Variants in BRAF observed in about 807,000 individuals in gnomAD.
BRAF encodes B-Raf proto-oncogene, serine/threonine kinase, also known as serine/threonine-protein kinase B-raf.
A neutral mutation model predicts 104.6 loss-of-function variants in BRAF; 16 were observed. The ratio of observed to expected loss-of-function variants is 0.15; its 90% CI spans 0.10 to 0.23. The LOEUF (loss-of-function observed/expected upper bound fraction) is 0.23, where lower values mean the gene tolerates loss of function less well. BRAF is among the 10% of genes least tolerant of loss of function. The probability of loss-of-function intolerance (pLI) is 1.00; values close to 1 mark genes in which losing one functional copy is unlikely to be tolerated. For missense variants in BRAF, 541 were observed against 937.3 expected, an observed-to-expected ratio of 0.58 and a Z score of 5.52; for synonymous variants, 310 against 341.6, an observed-to-expected ratio of 0.91 and a Z score of 1.02.
At chr7:140,756,845 C>T (rs1474808381) in intron 14 of BRAF, among the ~76,000 whole-genome samples, 2 of 152,178 alleles carry the variant, frequency 1.3e-5, no homozygotes, top group Admixed American at 6.5e-5. Context: ...ACCTATAGAA[C>T]CATTTAATCT....
chr7:140,722,390 A>T lies in BRAF; in HGVS notation c.*4104T>A, dbSNP rs752186314. ...TGGCTGCTCTCTTCACAAATCACTGATTTCTGCTAAAATGTTAGCTTTTTT... is the reference window on the plus strand; with the variant it reads ...TGGCTGCTCTCTTCACAAATCACTGTTTTCTGCTAAAATGTTAGCTTTTTT... On this transcript the variant is annotated 3_prime_UTR_variant, in exon 20 of 20. Coordinates refer to ENST00000644969, the MANE Select transcript of BRAF (RefSeq NM_001374258.1). 182 of 1,054,196 alleles carry T rather than the reference A, an allele frequency of 1.7e-4. No individual in the cohort carries two copies. The highest frequency in any genetic ancestry group is 2.0e-4 in the Non-Finnish European group (172 of 872,544). The allele number at this position is 1,054,196 out of a possible 1,614,324, so 65.3% of individuals were successfully genotyped here. A position where few individuals can be genotyped will look rare whatever the true frequency, so the allele number is the denominator to read the frequency against.
intron 1 of BRAF, among the ~76,000 whole-genome samples, chr7:140,901,513 T>A (rs534508430): frequency 6.6e-6 from 1 of 152,336 alleles, no homozygotes; most frequent in African/African-American, 2.4e-5. Context: ...AATTGTTGAA[T>A]CAGGTTGTTA....
intron 3 of BRAF, among the ~76,000 whole-genome samples, chr7:140,810,029 G>GT (rs1804073961): frequency 6.6e-6 from 1 of 152,154 alleles, no homozygotes. Context: ...ATTGGGAGGT[G>GT]TAAGAAGAAG....
intron 1 of BRAF, among the ~76,000 whole-genome samples, chr7:140,876,153 T>A (rs1439082842): frequency 6.6e-6 from 1 of 152,076 alleles, no homozygotes; most frequent in African/African-American, 2.4e-5. Flanking sequence ...CAGCCAACAA[T>A]AAGAGAAAAG....
chr7:140,721,808 G>A lies in BRAF; in HGVS notation c.*4686C>T. ...GTTTTCTTTTACATCCAATGGCCAGGTCATAAAGGATGCCTTGAGACCTCC... is the reference window on the plus strand; with the variant it reads ...GTTTTCTTTTACATCCAATGGCCAGATCATAAAGGATGCCTTGAGACCTCC... On this transcript the variant is annotated 3_prime_UTR_variant, in exon 20 of 20. Transcript: ENST00000644969. 2.1e-6 allele frequency: 3 copies of A among 1,399,776 alleles called. No individual in the cohort carries two copies. The highest frequency in any genetic ancestry group is 2.8e-6 in the Non-Finnish European group (3 of 1,078,522). 86.7% of individuals were successfully genotyped at this position (1,399,776 alleles called of 1,614,324 possible).
intron 19 of BRAF, chr7:140,734,085 G>C: frequency 9.7e-7 from 1 of 1,034,178 alleles, no homozygotes; most frequent in Non-Finnish European, 1.2e-6. Context: ...GTTATAAAAA[G>C]AAATAGTTAT....
intron 8 of BRAF, among the ~76,000 whole-genome samples, chr7:140,790,864 T>C (rs1159124225): frequency 6.6e-6 from 1 of 152,216 alleles, no homozygotes; most frequent in African/African-American, 2.4e-5. Context: ...CCCAACACTC[T>C]GGGAGGCGGA....
At chr7:140,877,198 C>A (rs1812358076) in intron 1 of BRAF, among the ~76,000 whole-genome samples, 1 of 149,192 alleles carries the variant, frequency 6.7e-6, no homozygotes, top group African/African-American at 2.5e-5. Context: ...GAAAATACAG[C>A]ATACTAAATC....
chr7:140,830,965 T>C (rs1291971416), intron 3 of BRAF, among the ~76,000 whole-genome samples: 4 of 152,198 alleles, frequency 2.6e-5, no homozygotes, highest in Admixed American at 2.0e-4. Context: ...GATTAGAAGA[T>C]GTGGGAATCC....
intron 1 of BRAF, among the ~76,000 whole-genome samples, chr7:140,897,164 A>G (rs562630090): frequency 2.3e-4 from 35 of 152,192 alleles, no homozygotes; most frequent in African/African-American, 6.0e-4. Context: ...TGCCGCAAAT[A>G]AACAAAGAGA....
At chr7:140,903,983 A>G (rs917573929) in intron 1 of BRAF, among the ~76,000 whole-genome samples, 1 of 152,256 alleles carries the variant, frequency 6.6e-6, no homozygotes, top group Non-Finnish European at 1.5e-5. Context: ...TGGTTTCTTG[A>G]CATGAACTCT....
At chr7:140,900,377 T>C (rs995437029) in intron 1 of BRAF, among the ~76,000 whole-genome samples, 37 of 152,352 alleles carry the variant, frequency 2.4e-4, no homozygotes, top group African/African-American at 7.2e-4. Context: ...CCCTTTTGTA[T>C]TGAATCTTTA....
At chr7:140,914,776 A>G in intron 1 of BRAF, among the ~76,000 whole-genome samples, 1 of 152,092 alleles carries the variant, frequency 6.6e-6, no homozygotes, top group East Asian at 1.9e-4. Context: ...ACGGTGGCTC[A>G]TGCCTGTAAT....
intron 1 of BRAF, among the ~76,000 whole-genome samples, chr7:140,870,114 A>C (rs1340465284): frequency 1.3e-5 from 2 of 152,162 alleles, no homozygotes; most frequent in African/African-American, 2.4e-5. Context: ...GAAATAATCA[A>C]AGGCTTTTTT....
At chr7:140,808,597 G>A (rs564218654) in intron 4 of BRAF, among the ~76,000 whole-genome samples, 2 of 151,484 alleles carry the variant, frequency 1.3e-5, no homozygotes, top group Non-Finnish European at 2.9e-5. Flanking sequence ...AATGGGAGGG[G>A]GGTAAGAGTC....
chr7:140,849,629 G>A (rs1174276906), intron 2 of BRAF, among the ~76,000 whole-genome samples: 2 of 151,758 alleles, frequency 1.3e-5, no homozygotes, highest in African/African-American at 4.8e-5. Context: ...TGGCCAATAT[G>A]GTGAAACCCC....
intron 1 of BRAF, among the ~76,000 whole-genome samples, chr7:140,906,061 CT>C (rs1485878929): frequency 8.4e-6 from 1 of 119,090 alleles, no homozygotes; most frequent in Non-Finnish European, 1.6e-5. Flanking sequence ...GCACTCCAGC[CT>C]GGGCAACAGA....
chr7:140,787,441 AT>A, intron 9 of BRAF, 106 bp downstream of exon 9: 3 of 1,266,894 alleles, frequency 2.4e-6, no homozygotes, highest in Admixed American at 2.0e-5. Flanking sequence ...TTCTCTACAC[AT>A]TTTTCTCTGT....
At chr7:140,766,254 C>T (rs1194612473) in intron 14 of BRAF, among the ~76,000 whole-genome samples, 2 of 151,146 alleles carry the variant, frequency 1.3e-5, no homozygotes, top group Non-Finnish European at 2.9e-5. Context: ...AACACATGGA[C>T]ACAGGAAGGG....
Sources: gnomAD v4.1 joint callset for allele counts (sites outside exome capture counted in the v4.1 genomes callset) on GRCh38, gnomAD v4.1.1 for gene constraint, MANE v1.5 for transcripts, NCBI Gene and HGNC (gene_info 2026-07-23, HGNC 2026-07-21) for gene names.